The following PTPRD variants were observed in gnomAD, a reference collection of about 807,000 sequenced individuals.
PTPRD encodes the protein protein tyrosine phosphatase receptor type D.
Under a neutral mutation model 214.5 loss-of-function variants are expected in PTPRD, and 34 were observed. The observed-to-expected ratio is 0.16, with a 90% CI of 0.12 to 0.21. PTPRD has a LOEUF of 0.21. PTPRD is among the 10% of genes least tolerant of loss of function. The pLI, the probability that PTPRD is intolerant of heterozygous loss-of-function variation, is 1.00. For synonymous variants in PTPRD, 1,128 were observed against 845.7 expected (o/e 1.33, Z -5.79); for missense variants, 2,545 against 2,398.7 (o/e 1.06, Z -1.27).
chr9:9,990,173 C>T (rs374136872), intron 4 of PTPRD, among the ~76,000 whole-genome samples: 5 of 152,168 alleles, frequency 3.3e-5, no homozygotes, highest in African/African-American at 4.8e-5. Context: ...TTAGTCATTA[C>T]GTGGGACCAG....
chr9:9,809,645 G>A (rs146818584), intron 5 of PTPRD, among the ~76,000 whole-genome samples: 170 of 152,300 alleles, frequency 1.1e-3, no homozygotes, highest in African/African-American at 3.8e-3. Context: ...CATGAGAGGG[G>A]TAATGGAATT....
rs1564202831 is a variant in PTPRD at position 8,353,947 on chromosome 9, T to TATGTGTGTGTAC, written c.4662-11970_4662-11969insGTACACACACAT. ...ATATATGTGTGTGTACATATATATA[T>TATGTGTGTGTAC]ATATATATATATATATGTTTTTTTT... is the stretch of plus-strand genomic sequence containing the variant. On this transcript the variant is annotated intron_variant, in intron 39 of 45. Coordinates refer to ENST00000381196, the MANE Select transcript of PTPRD (RefSeq NM_002839.4). Among the ~76,000 whole-genome samples, 158 of 116,962 alleles carry TATGTGTGTGTAC rather than the reference T, an allele frequency of 1.4e-3. 14 individuals are homozygous for TATGTGTGTGTAC. The highest frequency in any genetic ancestry group is 4.4e-3 in the African/African-American group (147 of 33,702). 76.7% of individuals were successfully genotyped at this position (116,962 alleles called of 152,430 possible).
intron 10 of PTPRD, among the ~76,000 whole-genome samples, chr9:9,160,736 G>A (rs1475566921): frequency 1.3e-5 from 2 of 152,126 alleles, no homozygotes; most frequent in Non-Finnish European, 2.9e-5. Flanking sequence ...ATGCTCATGT[G>A]CATTGCAGCA....
chr9:10,293,168 A>G (rs1441392024), intron 3 of PTPRD, among the ~76,000 whole-genome samples: 1 of 151,918 alleles, frequency 6.6e-6, no homozygotes, highest in African/African-American at 2.4e-5. Context: ...CTGGCCTTGA[A>G]TTCTTTATTT....
intron 10 of PTPRD, among the ~76,000 whole-genome samples, chr9:9,141,835 A>G (rs1290725176): frequency 2.0e-5 from 3 of 151,858 alleles, no homozygotes; most frequent in South Asian, 4.1e-4. Context: ...AAAGTCAACT[A>G]TTTATTCTGG....
chr9:8,889,277 T>C (rs1316994444), intron 11 of PTPRD, among the ~76,000 whole-genome samples: 2 of 151,336 alleles, frequency 1.3e-5, no homozygotes, highest in East Asian at 1.9e-4. Context: ...TGAGAGAGAG[T>C]AGAGAGAGAA....
At chr9:9,396,280 A>G (rs1313256307) in intron 9 of PTPRD, among the ~76,000 whole-genome samples, 1 of 152,008 alleles carries the variant, frequency 6.6e-6, no homozygotes, top group African/African-American at 2.4e-5. Flanking sequence ...TTTATATACT[A>G]CCTTACTATT....
chr9:8,603,398 C>G (rs1329254155), intron 14 of PTPRD, among the ~76,000 whole-genome samples: 5 of 152,170 alleles, frequency 3.3e-5, no homozygotes, highest in Non-Finnish European at 7.4e-5. Flanking sequence ...AAGGCTGGGT[C>G]TTTGGCCCTA....
intron 7 of PTPRD, among the ~76,000 whole-genome samples, chr9:9,718,720 T>G (rs2097879512): frequency 6.6e-6 from 1 of 152,218 alleles, no homozygotes; most frequent in African/African-American, 2.4e-5. Context: ...CAGGTGTGCC[T>G]GTACTTGGGG....
chr9:9,450,695 A>C (rs1474065812), intron 8 of PTPRD, among the ~76,000 whole-genome samples: 3 of 151,744 alleles, frequency 2.0e-5, no homozygotes, highest in South Asian at 2.1e-4. Flanking sequence ...TGATTGACAC[A>C]ATTCAAAAAA....
At chr9:9,368,469 A>C (rs751057194) in intron 9 of PTPRD, among the ~76,000 whole-genome samples, 71 of 152,000 alleles carry the variant, frequency 4.7e-4, no homozygotes, top group Non-Finnish European at 8.7e-4. Flanking sequence ...CTTTAGGCTG[A>C]GCCATTTACT....
chr9:8,413,963 G>A (rs1046349169), intron 35 of PTPRD, among the ~76,000 whole-genome samples: 1 of 152,142 alleles, frequency 6.6e-6, no homozygotes, highest in East Asian at 1.9e-4. Flanking sequence ...TGGAAAAAAT[G>A]GAATCACTTG....
chr9:10,241,050 A>G (rs2090941927), intron 3 of PTPRD, among the ~76,000 whole-genome samples: 1 of 151,852 alleles, frequency 6.6e-6, no homozygotes, highest in African/African-American at 2.4e-5. Flanking sequence ...TTGAACAGAC[A>G]TTTCACCAAA....
In PTPRD at chr9:8,733,931, G is replaced by A. The variant is rs2098688872; in HGVS notation, c.-88C>T. The A allele has an allele frequency of 2.2e-6, 3 of 1,354,284 alleles. No homozygotes were observed. The highest frequency in any genetic ancestry group is 3.1e-6 in the Non-Finnish European group (3 of 978,092). The allele number at this position is 1,354,284 out of a possible 1,614,324, so 83.9% of individuals were successfully genotyped here. A position where few individuals can be genotyped will look rare whatever the true frequency, so the allele number is the denominator to read the frequency against. On this transcript the variant is annotated 5_prime_UTR_variant, in exon 12 of 46. Transcript: ENST00000381196. ...GTCTGTCCGATCTGAAATTTCAGCT[G>A]GAACACTTTCAGAGCCTGAAAGCGG... is the stretch of plus-strand genomic sequence containing the variant.
chr9:8,525,610 A>C (rs554134657), intron 17 of PTPRD, among the ~76,000 whole-genome samples: 116 of 152,306 alleles, frequency 7.6e-4, no homozygotes, highest in African/African-American at 2.7e-3. Context: ...ATTTTTAAGA[A>C]AAGAAAGACA....
intron 7 of PTPRD, among the ~76,000 whole-genome samples, chr9:9,707,211 A>G (rs1411072919): frequency 6.6e-6 from 1 of 152,190 alleles, no homozygotes; most frequent in East Asian, 1.9e-4. Flanking sequence ...CATGTAAGGT[A>G]TATTCTGAAA....
intron 7 of PTPRD, among the ~76,000 whole-genome samples, chr9:9,681,927 GTTATAT>G (rs2154397850): frequency 6.6e-6 from 1 of 151,928 alleles, no homozygotes; most frequent in South Asian, 2.1e-4. Flanking sequence ...TATAGAAGAT[GTTATAT>G]TTATGTCTAT....
Position 9,938,543 on chromosome 9 carries a change from A to G in PTPRD, c.-404T>C, listed in dbSNP as rs1357604156. On this transcript the variant is annotated 5_prime_UTR_variant, in exon 5 of 46. It removes an upstream start codon present in the reference 5' UTR. Coordinates refer to ENST00000381196, the MANE Select transcript of PTPRD (RefSeq NM_002839.4). ...GCCCATCGCTTCCCTCGGTGCCAAC[A>G]TGCTGTCAGTCAGACACCTCTAACT... is the stretch of plus-strand genomic sequence containing the variant. 2.0e-5 allele frequency: 3 copies of G among 152,158 alleles called. No homozygotes were observed. The highest frequency in any genetic ancestry group is 1.9e-4 in the East Asian group (1 of 5,184). 9.4% of individuals were successfully genotyped at this position (152,158 alleles called of 1,614,324 possible).
intron 14 of PTPRD, among the ~76,000 whole-genome samples, chr9:8,624,045 AGTCT>A (rs1279310802): frequency 1.3e-5 from 2 of 151,956 alleles, no homozygotes; most frequent in Admixed American, 1.3e-4. Flanking sequence ...ATTTTTATCT[AGTCT>A]GTGACCTAGA....
Sources: gnomAD v4.1 joint callset for allele counts (sites outside exome capture counted in the v4.1 genomes callset) on GRCh38, gnomAD v4.1.1 for gene constraint, MANE v1.5 for transcripts, NCBI Gene and HGNC (gene_info 2026-07-23, HGNC 2026-07-21) for gene names.